The following KCNB2 variants were observed in gnomAD, a reference collection of about 807,000 sequenced individuals.
The protein encoded by KCNB2 is potassium voltage-gated channel subfamily B member 2.
In KCNB2, 15 loss-of-function variants were observed where a neutral mutation model predicts 61.5. The ratio of observed to expected loss-of-function variants is 0.24; its 90% CI spans 0.16 to 0.38. KCNB2 has a LOEUF of 0.38. Ranked by LOEUF, KCNB2 falls within the 10% of genes least tolerant of loss-of-function variation. The probability of loss-of-function intolerance (pLI) is 1.00; values close to 1 mark genes in which losing one functional copy is unlikely to be tolerated. For synonymous variants in KCNB2, 457 were observed against 446.0 expected (o/e 1.02, Z -0.31); for missense variants, 828 against 1,125.2 (o/e 0.74, Z 3.78).
chr8:72,718,689 G>A (rs1259464707), intron 2 of KCNB2, among the ~76,000 whole-genome samples: 1 of 151,272 alleles, frequency 6.6e-6, no homozygotes. Context: ...GGGAGGGATA[G>A]CATTAGGAGA....
chr8:72,905,265 T>A (rs1286151982), intron 2 of KCNB2, among the ~76,000 whole-genome samples: 2 of 151,490 alleles, frequency 1.3e-5, no homozygotes, highest in Non-Finnish European at 2.9e-5. Flanking sequence ...ATTAACAGAG[T>A]TTTATCAAGG....
At chr8:72,579,329 T>A (rs1352933991) in intron 2 of KCNB2, among the ~76,000 whole-genome samples, 1 of 152,226 alleles carries the variant, frequency 6.6e-6, no homozygotes, top group African/African-American at 2.4e-5. Context: ...TGAGTTGATG[T>A]CTACTTAAAT....
intron 2 of KCNB2, among the ~76,000 whole-genome samples, chr8:72,606,931 G>A (rs567342183): frequency 1.1e-4 from 17 of 152,294 alleles, no homozygotes; most frequent in African/African-American, 3.4e-4. Flanking sequence ...CTGAGCTTCA[G>A]CATCTGGGAG....
At chr8:72,630,439 C>A (rs1805860993) in intron 2 of KCNB2, among the ~76,000 whole-genome samples, 1 of 152,090 alleles carries the variant, frequency 6.6e-6, no homozygotes, top group African/African-American at 2.4e-5. Context: ...ATGTTTAGTA[C>A]AATTTATATT....
At chr8:72,801,913 C>T (rs1275022684) in intron 2 of KCNB2, among the ~76,000 whole-genome samples, 1 of 152,156 alleles carries the variant, frequency 6.6e-6, no homozygotes, top group Non-Finnish European at 1.5e-5. Flanking sequence ...TGTAGAATCA[C>T]TTAAGCTGTT....
intron 2 of KCNB2, among the ~76,000 whole-genome samples, chr8:72,741,668 A>G (rs1285564236): frequency 6.6e-6 from 1 of 151,978 alleles, no homozygotes; most frequent in Non-Finnish European, 1.5e-5. Context: ...AGCATATGAC[A>G]TTTGGTTTTC....
At chr8:72,770,578 T>G (rs1808541341) in intron 2 of KCNB2, among the ~76,000 whole-genome samples, 1 of 152,234 alleles carries the variant, frequency 6.6e-6, no homozygotes, top group African/African-American at 2.4e-5. Context: ...TGTTTGTCAC[T>G]TACCGGCTAT....
intron 2 of KCNB2, among the ~76,000 whole-genome samples, chr8:72,600,000 G>T (rs1807267376): frequency 6.6e-6 from 1 of 152,216 alleles, no homozygotes; most frequent in South Asian, 2.1e-4. Context: ...TGGTGGAACT[G>T]TAAACTAGTT....
At chr8:72,836,644 CT>C (rs1809787201) in intron 2 of KCNB2, among the ~76,000 whole-genome samples, 1 of 152,204 alleles carries the variant, frequency 6.6e-6, no homozygotes, top group Non-Finnish European at 1.5e-5. Context: ...GGCATAGTGG[CT>C]CACACTTGTA....
intron 1 of KCNB2, among the ~76,000 whole-genome samples, chr8:72,546,631 G>C (rs1806262847): frequency 6.6e-6 from 1 of 152,006 alleles, no homozygotes; most frequent in African/African-American, 2.4e-5. Flanking sequence ...ATTAACAATA[G>C]ATTTTTAAAA....
intron 2 of KCNB2, among the ~76,000 whole-genome samples, chr8:72,630,642 A>G (rs1487808647): frequency 6.6e-6 from 1 of 152,200 alleles, no homozygotes; most frequent in Non-Finnish European, 1.5e-5. Flanking sequence ...ATGAATCTTC[A>G]GCATCAGACT....
chr8:72,886,218 G>C (rs1026049219), intron 2 of KCNB2, among the ~76,000 whole-genome samples: 2 of 152,062 alleles, frequency 1.3e-5, no homozygotes, highest in African/African-American at 4.8e-5. Flanking sequence ...CTCATCTCTT[G>C]ACCTGGGCAC....
intron 2 of KCNB2, among the ~76,000 whole-genome samples, chr8:72,772,324 C>G (rs1039797556): frequency 6.6e-6 from 1 of 152,222 alleles, no homozygotes; most frequent in African/African-American, 2.4e-5. Context: ...TCCTGTACAT[C>G]ATAGGCTGCA....
chr8:72,557,104 G>T (rs1806441113), intron 1 of KCNB2, among the ~76,000 whole-genome samples: 1 of 152,014 alleles, frequency 6.6e-6, no homozygotes, highest in South Asian at 2.1e-4. Context: ...CATCAACTTG[G>T]GAAGCAGGAT....
At chr8:72,618,174 A>G (rs781089446) in intron 2 of KCNB2, among the ~76,000 whole-genome samples, 3 of 151,792 alleles carry the variant, frequency 2.0e-5, no homozygotes, top group Non-Finnish European at 4.4e-5. Flanking sequence ...TGCAAGATGC[A>G]CATGTGTGTT....
chr8:72,656,446 G>A (rs183139930), intron 2 of KCNB2, among the ~76,000 whole-genome samples: 74 of 152,158 alleles, frequency 4.9e-4, no homozygotes, highest in Non-Finnish European at 1.2e-4. Flanking sequence ...GTCAACATTC[G>A]AGTCGTAAAT....
At chr8:72,823,580 G>A (rs1047803647) in intron 2 of KCNB2, among the ~76,000 whole-genome samples, 6 of 152,168 alleles carry the variant, frequency 3.9e-5, no homozygotes, top group Non-Finnish European at 4.4e-5. Context: ...GAAGATTCAT[G>A]ATGTTCAAGT....
chr8:72,810,976 A>T (rs575338848), intron 2 of KCNB2, among the ~76,000 whole-genome samples: 1 of 152,212 alleles, frequency 6.6e-6, no homozygotes, highest in South Asian at 2.1e-4. Flanking sequence ...TCAAGCTAGA[A>T]CATAAAAGCA....
intron 2 of KCNB2, among the ~76,000 whole-genome samples, chr8:72,651,896 C>A (rs563446309): frequency 6.6e-6 from 1 of 152,192 alleles, no homozygotes; most frequent in African/African-American, 2.4e-5. Context: ...ACCCTTGAGT[C>A]CATCCCTCTC....
Sources: allele counts gnomAD v4.1 joint callset (sites outside exome capture counted in the v4.1 genomes callset), GRCh38; gene constraint gnomAD v4.1.1; transcripts MANE v1.5; gene names NCBI Gene and HGNC (gene_info 2026-07-23, HGNC 2026-07-21).